KCNB2: variants seen among roughly 807,000 people sequenced by gnomAD.
KCNB2 encodes the protein delayed rectifier potassium channel protein.
A neutral mutation model predicts 61.5 loss-of-function variants in KCNB2; 15 were observed. The ratio of observed to expected loss-of-function variants is 0.24; its 90% CI spans 0.16 to 0.38. The LOEUF (loss-of-function observed/expected upper bound fraction) is 0.38. Among genes scored for constraint, KCNB2 ranks in the 10% least tolerant of loss-of-function variants. The pLI is 1.00. For missense variants in KCNB2, 828 were observed against 1,125.2 expected, an observed-to-expected ratio of 0.74 and a Z score of 3.78; for synonymous variants, 457 against 446.0, an observed-to-expected ratio of 1.02 and a Z score of -0.31.
At chr8:72,600,530 A>T (rs1187506310) in intron 2 of KCNB2, among the ~76,000 whole-genome samples, 2 of 152,120 alleles carry the variant, frequency 1.3e-5, no homozygotes, top group African/African-American at 2.4e-5. Flanking sequence ...CTAACATGGC[A>T]CATGTATACA....
chr8:72,590,103 TC>T (rs1807070675), intron 2 of KCNB2, among the ~76,000 whole-genome samples: 1 of 152,154 alleles, frequency 6.6e-6, no homozygotes, highest in Admixed American at 6.5e-5. Context: ...AATTCAGAAT[TC>T]CTGGGTTCAA....
chr8:72,932,026 C>CAAAAA lies in KCNB2; in HGVS notation c.580-3905_580-3901dup, dbSNP rs397970442. The stretch of plus-strand genomic sequence containing the variant: ...AGACACTGTCTCAAAAACAAACAAA[C>CAAAAA]AAAAAAAACTCCTGAGACAGTGAGA... On this transcript the variant is annotated intron_variant, in intron 2 of 2. Transcript: ENST00000523207. Among the ~76,000 whole-genome samples, 15 of 151,260 alleles carry CAAAAA rather than the reference C, an allele frequency of 9.9e-5. 1 individual carries two copies. The South Asian group carries it at 1.9e-3, about 19-fold the overall frequency.
At chr8:72,887,092 T>G (rs1218875551) in intron 2 of KCNB2, among the ~76,000 whole-genome samples, 1 of 152,210 alleles carries the variant, frequency 6.6e-6, no homozygotes. Context: ...TAAGCCAGCT[T>G]AGTGAGAACT....
chr8:72,564,373 G>T (rs1192709433), intron 1 of KCNB2, among the ~76,000 whole-genome samples: 1 of 152,112 alleles, frequency 6.6e-6, no homozygotes, highest in South Asian at 2.1e-4. Context: ...GTTAAAAAAT[G>T]ATTTATCTTC....
At chr8:72,611,343 G>C (rs757924514) in intron 2 of KCNB2, among the ~76,000 whole-genome samples, 10 of 152,140 alleles carry the variant, frequency 6.6e-5, no homozygotes, top group Non-Finnish European at 1.0e-4. Context: ...TCTCTTAAAT[G>C]TAGATAGGGT....
At chr8:72,837,871 A>T (rs921578400) in intron 2 of KCNB2, among the ~76,000 whole-genome samples, 1 of 152,164 alleles carries the variant, frequency 6.6e-6, no homozygotes, top group Admixed American at 6.5e-5. Flanking sequence ...TTATTAACCA[A>T]CAAAGTCTAT....
chr8:72,770,015 A>T (rs1808534466), intron 2 of KCNB2, among the ~76,000 whole-genome samples: 1 of 152,210 alleles, frequency 6.6e-6, no homozygotes, highest in African/African-American at 2.4e-5. Context: ...AGATAAAAGA[A>T]TCACTTCTCA....
At chr8:72,667,168 G>A (rs1361716259) in intron 2 of KCNB2, among the ~76,000 whole-genome samples, 1 of 152,162 alleles carries the variant, frequency 6.6e-6, no homozygotes, top group Non-Finnish European at 1.5e-5. Context: ...TCTTTGTGAG[G>A]ATTACCTGGG....
intron 2 of KCNB2, among the ~76,000 whole-genome samples, chr8:72,932,099 C>A (rs1247879537): frequency 6.6e-6 from 1 of 152,092 alleles, no homozygotes; most frequent in Admixed American, 6.5e-5. Context: ...CCTAAGTGTT[C>A]CCGGACCAAA....
chr8:72,689,186 A>G (rs1375229564), intron 2 of KCNB2, among the ~76,000 whole-genome samples: 1 of 152,238 alleles, frequency 6.6e-6, no homozygotes, highest in Non-Finnish European at 1.5e-5. Flanking sequence ...TTGTTCATCA[A>G]TAAATATGGA....
chr8:72,628,245 C>A (rs917793542), intron 2 of KCNB2, among the ~76,000 whole-genome samples: 1 of 152,142 alleles, frequency 6.6e-6, no homozygotes, highest in African/African-American at 2.4e-5. Flanking sequence ...TGAGCCATCA[C>A]GTCTGGTCAC....
At chr8:72,739,949 CT>C (rs146272346) in intron 2 of KCNB2, among the ~76,000 whole-genome samples, 1,668 of 152,142 alleles carry the variant, frequency 0.011, 20 homozygotes, top group South Asian at 0.053. Context: ...TGAATATTTG[CT>C]GATTGATTTA....
At position 72,567,642 on chromosome 8, in the gene KCNB2, C is replaced by A; in HGVS notation, c.-93C>A. On this transcript the variant is annotated splice_region_variant and 5_prime_UTR_variant, in exon 2 of 3. Transcript: ENST00000523207. ...CCAAGTGATTGTTGCTTTCTTCCAG[C>A]TTTGTCAGTGGAAATGCCTGCCCCA... 1 of 798,418 alleles carries A rather than the reference C, an allele frequency of 1.3e-6. No homozygotes were observed. Among genetic ancestry groups the A allele is most frequent in the Non-Finnish European group, 2.0e-6 (1 of 504,276 alleles). 49.5% of individuals were successfully genotyped at this position (798,418 alleles called of 1,614,324 possible). A position where few individuals can be genotyped will look rare whatever the true frequency, so the allele number is the denominator to read the frequency against.
chr8:72,687,525 G>A (rs1806871107), intron 2 of KCNB2, among the ~76,000 whole-genome samples: 1 of 152,136 alleles, frequency 6.6e-6, no homozygotes, highest in African/African-American at 2.4e-5. Context: ...TCAGTGGGGA[G>A]GGGTCACAAC....
chr8:72,884,859 A>C (rs892183338), intron 2 of KCNB2, among the ~76,000 whole-genome samples: 3 of 152,132 alleles, frequency 2.0e-5, no homozygotes, highest in African/African-American at 7.2e-5. Context: ...TTGTATTTCA[A>C]AGTATCTTAG....
intron 2 of KCNB2, among the ~76,000 whole-genome samples, chr8:72,810,148 A>G (rs997568285): frequency 1.3e-5 from 2 of 152,292 alleles, no homozygotes; most frequent in Non-Finnish European, 2.9e-5. Context: ...AGAAAATGCC[A>G]GTCAAAAATC....
chr8:72,719,673 A>T (rs1285042521), intron 2 of KCNB2, among the ~76,000 whole-genome samples: 1 of 152,140 alleles, frequency 6.6e-6, no homozygotes, highest in Non-Finnish European at 1.5e-5. Context: ...TGAAGGTTCC[A>T]CACTTTCCTC....
intron 2 of KCNB2, among the ~76,000 whole-genome samples, chr8:72,642,548 T>C (rs1420495713): frequency 3.9e-5 from 6 of 151,916 alleles, no homozygotes; most frequent in African/African-American, 2.4e-5. Context: ...TCATAACCTG[T>C]GGGGTTTGAG....
At chr8:72,628,699 C>T (rs1039122721) in intron 2 of KCNB2, among the ~76,000 whole-genome samples, 2 of 152,064 alleles carry the variant, frequency 1.3e-5, no homozygotes, top group Admixed American at 6.6e-5. Context: ...CCAGCATGCC[C>T]CATTTCATTC....
Sources: allele counts gnomAD v4.1 joint callset (sites outside exome capture counted in the v4.1 genomes callset), GRCh38; gene constraint gnomAD v4.1.1; transcripts MANE v1.5; gene names NCBI Gene and HGNC (gene_info 2026-07-23, HGNC 2026-07-21).